KCNK6: variants seen among roughly 807,000 people sequenced by gnomAD.
The protein encoded by KCNK6 is potassium channel subfamily K member 6.
In KCNK6, 20 loss-of-function variants were observed where a neutral mutation model predicts 21.9. That is an observed-to-expected ratio of 0.91 (90% CI 0.64 to 1.32). The LOEUF is 1.32. KCNK6 is among the 40% of genes most tolerant of loss of function. The probability of loss-of-function intolerance (pLI) is 0.00; values close to 1 mark genes in which losing one functional copy is unlikely to be tolerated. For synonymous variants in KCNK6, 210 were observed against 218.0 expected (o/e 0.96, Z 0.32); for missense variants, 415 against 433.1 (o/e 0.96, Z 0.37).
In KCNK6 at chr19:38,329,638, C is replaced by G. The variant is rs1364694819; in HGVS notation, c.*2235C>G. The G allele has an allele frequency of 2.0e-5, 3 of 152,198 alleles. No individual in the cohort carries two copies. Among genetic ancestry groups the G allele is most frequent in the African/African-American group, 7.2e-5 (3 of 41,436 alleles). 9.4% of individuals were successfully genotyped at this position (152,198 alleles called of 1,614,324 possible). A position where few individuals can be genotyped will look rare whatever the true frequency, so the allele number is the denominator to read the frequency against. ...GTCCTTAAATGACCAGCATGGGAAC[C>G]TGGTCTCTTTCCTGAGGGCCCTAGA... is the stretch of plus-strand genomic sequence containing the variant. On this transcript the variant is annotated 3_prime_UTR_variant, in exon 3 of 3. Coordinates refer to ENST00000263372, the MANE Select transcript of KCNK6 (RefSeq NM_004823.3).
At position 38,319,875 on chromosome 19, in the gene KCNK6, C is replaced by G. The variant is rs1035946643; in HGVS notation, c.-76C>G. On this transcript the variant is annotated 5_prime_UTR_variant, in exon 1 of 3. Transcript: ENST00000263372. ...GCCTGTAGCACTCCCGGAACTGGAA[C>G]TAGGTGCCAGACGGTCCGGAGGCGG... 44 of 1,299,482 alleles carry G rather than the reference C, an allele frequency of 3.4e-5. No homozygotes were observed. Among genetic ancestry groups the G allele is most frequent in the African/African-American group, 4.7e-5 (3 of 63,902 alleles). The allele number at this position is 1,299,482 out of a possible 1,614,324, so 80.5% of individuals were successfully genotyped here. A position where few individuals can be genotyped will look rare whatever the true frequency, so the allele number is the denominator to read the frequency against.
At position 38,327,671 on chromosome 19, in the gene KCNK6, C is replaced by G; in HGVS notation, c.*268C>G. 1 of 507,930 alleles carries G rather than the reference C, an allele frequency of 2.0e-6. No individual in the cohort carries two copies. The allele number at this position is 507,930 out of a possible 1,614,324, so 31.5% of individuals were successfully genotyped here. On this transcript the variant is annotated 3_prime_UTR_variant, in exon 3 of 3. Coordinates refer to ENST00000263372, the MANE Select transcript of KCNK6 (RefSeq NM_004823.3). ...CTTTACACTGTGTCTCTCTGGCTCT[C>G]TGGCATTCTCGCTGCCTCTGTCTTT...
In KCNK6 at chr19:38,320,271, G is replaced by T. The variant is rs751631137; in HGVS notation, c.321G>T (p.Val107=). The T allele has an allele frequency of 6.9e-6, 11 of 1,605,376 alleles. No homozygotes were observed. The highest frequency in any genetic ancestry group is 6.8e-6 in the Non-Finnish European group (8 of 1,179,338). Reference sequence around the variant, plus strand: ...TCGCCAGCACGCTGATCACCACCGTGGGTACGTAAGCGCCTCACCGCAAGG... The same window carrying T: ...TCGCCAGCACGCTGATCACCACCGTTGGTACGTAAGCGCCTCACCGCAAGG... ...LFFASTLITT[V]GYGYTTPLTD... The change falls in exon 1 of 3, where the codon GTG becomes GTT. Residue 107 remains valine (V), a splice_region_variant and synonymous_variant. Coordinates refer to ENST00000263372, the MANE Select transcript of KCNK6 (RefSeq NM_004823.3).
chr19:38,322,247 G>A (rs554174755), intron 1 of KCNK6, among the ~76,000 whole-genome samples: 1 of 152,262 alleles, frequency 6.6e-6, no homozygotes, highest in Non-Finnish European at 1.5e-5. Flanking sequence ...TTAGAAGAAG[G>A]GTGCTGTGTG....
intron 1 of KCNK6, among the ~76,000 whole-genome samples, chr19:38,321,013 G>T (rs1485731970): frequency 6.6e-6 from 1 of 151,944 alleles, no homozygotes; most frequent in Non-Finnish European, 1.5e-5. Flanking sequence ...AACCATGCCA[G>T]GACCCCTGAC....
intron 1 of KCNK6, among the ~76,000 whole-genome samples, chr19:38,325,867 TGCAGG>T (rs1171429815): frequency 6.6e-6 from 1 of 152,034 alleles, no homozygotes; most frequent in Non-Finnish European, 1.5e-5. Context: ...AGGGGCTCTG[TGCAGG>T]GAAGGGGCAT....
intron 1 of KCNK6, among the ~76,000 whole-genome samples, chr19:38,324,096 T>C (rs990999790): frequency 2.0e-5 from 3 of 152,142 alleles, no homozygotes; most frequent in Non-Finnish European, 4.4e-5. Context: ...TCTTTTATTA[T>C]TATTATTTTT....
In KCNK6 at chr19:38,327,975, T is replaced by C. The variant is rs1004046105; in HGVS notation, c.*572T>C. On this transcript the variant is annotated 3_prime_UTR_variant, in exon 3 of 3. Transcript: ENST00000263372. Reference sequence around the variant, plus strand: ...CATAGTTGGGGGTGGAGAACTGCCCTTATGGAGCTTGCAGTCCAGTGAGGT... The same window carrying C: ...CATAGTTGGGGGTGGAGAACTGCCCCTATGGAGCTTGCAGTCCAGTGAGGT... 6.4e-6 allele frequency: 1 copy of C among 157,218 alleles called. No homozygotes were observed. The highest frequency in any genetic ancestry group is 1.4e-5 in the Non-Finnish European group (1 of 71,312). The allele number at this position is 157,218 out of a possible 1,614,324, so 9.7% of individuals were successfully genotyped here. A position where few individuals can be genotyped will look rare whatever the true frequency, so the allele number is the denominator to read the frequency against.
intron 1 of KCNK6, among the ~76,000 whole-genome samples, chr19:38,322,907 G>C (rs574243505): frequency 1.1e-4 from 17 of 152,160 alleles, no homozygotes; most frequent in Non-Finnish European, 2.5e-4. Flanking sequence ...GAGGTTAGGA[G>C]TTCGAGACCA....
chr19:38,329,026 A>AAAGT lies in KCNK6; in HGVS notation c.*1628_*1631dup, dbSNP rs138693052. 0.16 allele frequency: 24,597 copies of AAAGT among 150,068 alleles called. 2,323 individuals carry two copies. The highest frequency in any genetic ancestry group is 0.25 in the South Asian group (1,206 of 4,796). 9.3% of individuals were successfully genotyped at this position (150,068 alleles called of 1,614,324 possible). ...AAGAAAGAAAAAAAGAAAAAGAAAG[A>AAAGT]AAGTAAGTCCTGGCTAACACGGTGA... is the stretch of plus-strand genomic sequence containing the variant. On this transcript the variant is annotated 3_prime_UTR_variant, in exon 3 of 3. Transcript: ENST00000263372.
At position 38,326,915 on chromosome 19, in the gene KCNK6, C is replaced by T. The variant is rs772880129; in HGVS notation, c.645C>T (p.Ile215=). Residue 215 remains isoleucine, a synonymous_variant, in exon 2 of 3, where the codon ATC becomes ATT. Transcript: ENST00000263372. The part of the protein sequence containing the change: ...FYFCFISLST[I]GLGDYVPGEA... ...TCTGCTTTATCTCTCTGTCCACCAT[C>T]GGCCTGGGCGACTACGTGCCCGGGG... 27 of 1,610,986 alleles carry T rather than the reference C, an allele frequency of 1.7e-5. No homozygotes were observed. Among genetic ancestry groups the T allele is most frequent in the East Asian group, 2.2e-5 (1 of 44,892 alleles).
At chr19:38,323,205 T>C (rs1455129669) in intron 1 of KCNK6, among the ~76,000 whole-genome samples, 2 of 152,208 alleles carry the variant, frequency 1.3e-5, no homozygotes, top group Non-Finnish European at 2.9e-5. Flanking sequence ...CTGGGCCTAC[T>C]TAAGGACTCA....
rs2145047094 is a variant in KCNK6, at chr19:38,330,689, A to G, written c.*3286A>G. The G allele has an allele frequency of 6.6e-6, 1 of 152,368 alleles. No individual in the cohort carries two copies. Among genetic ancestry groups the G allele is most frequent in the African/African-American group, 2.4e-5 (1 of 41,580 alleles). 9.4% of individuals were successfully genotyped at this position (152,368 alleles called of 1,614,324 possible). On this transcript the variant is annotated 3_prime_UTR_variant, in exon 3 of 3. Coordinates refer to ENST00000263372, the MANE Select transcript of KCNK6 (RefSeq NM_004823.3). ...AGAAAATATGTATATTGGATATACTATGTGCCAGGCACGATTCCAAGCCCC... is the reference window on the plus strand; with the variant it reads ...AGAAAATATGTATATTGGATATACTGTGTGCCAGGCACGATTCCAAGCCCC...
intron 1 of KCNK6, among the ~76,000 whole-genome samples, chr19:38,321,093 C>T (rs908481297): frequency 1.3e-5 from 2 of 152,160 alleles, no homozygotes; most frequent in Admixed American, 1.3e-4. Flanking sequence ...TTCTGGGAAA[C>T]CCCCCTGGAG....
In KCNK6 at chr19:38,327,310, G is replaced by A; in HGVS notation, c.849G>A (p.Glu283=). 1 of 1,613,554 alleles carries A rather than the reference G, an allele frequency of 6.2e-7. No individual in the cohort carries two copies. Among genetic ancestry groups the A allele is most frequent in the Non-Finnish European group, 8.5e-7 (1 of 1,180,032 alleles). ...PPCPASFNAD[E]DDRVDILGPQ... ...GCCCTGCCAGTTTCAATGCGGATGA[G>A]GACGATCGGGTGGACATCCTGGGCC... Residue 283 remains glutamate, a synonymous_variant, in exon 3 of 3, where the codon GAG becomes GAA. Transcript: ENST00000263372.
rs1263815416 is a variant in KCNK6, at chr19:38,326,732, G to C, written c.462G>C (p.Leu154=). The C allele has an allele frequency of 2.5e-6, 4 of 1,604,638 alleles. No individual in the cohort carries two copies. The highest frequency in any genetic ancestry group is 3.4e-6 in the Non-Finnish European group (4 of 1,179,968). The part of the protein sequence containing the change: ...RLSLLLTHVP[L]SWLSMRWGWD... ...CACTGCTGCTGACTCACGTGCCCCT[G>C]TCTTGGCTGAGCATGCGTTGGGGCT... The change falls in exon 2 of 3, where the codon CTG becomes CTC. Residue 154 remains leucine (L), a synonymous_variant. Transcript: ENST00000263372.
In KCNK6 at chr19:38,332,041, G is replaced by A. The variant is rs1434301316; in HGVS notation, c.*4638G>A. 1 of 152,028 alleles carries A rather than the reference G, an allele frequency of 6.6e-6. No individual in the cohort carries two copies. The highest frequency in any genetic ancestry group is 1.9e-4 in the East Asian group (1 of 5,184). The allele number at this position is 152,028 out of a possible 1,614,324, so 9.4% of individuals were successfully genotyped here. On this transcript the variant is annotated 3_prime_UTR_variant, in exon 3 of 3. Coordinates refer to ENST00000263372, the MANE Select transcript of KCNK6 (RefSeq NM_004823.3). The stretch of plus-strand genomic sequence containing the variant: ...AAAGCCCTTAGAGCTAGCAGTGTGT[G>A]GCACTCAATAAAATGTTGACTAATG...
chr19:38,324,878 C>T (rs1301085221), intron 1 of KCNK6, among the ~76,000 whole-genome samples: 2 of 152,156 alleles, frequency 1.3e-5, no homozygotes, highest in African/African-American at 4.8e-5. Flanking sequence ...AGGTGTGAAC[C>T]ACCATGCCTG....
rs1280990654 is a variant in KCNK6 at position 38,320,337 on chromosome 19, G to A, written c.322+65G>A. 55 of 1,549,118 alleles carry A rather than the reference G, an allele frequency of 3.6e-5. No homozygotes were observed. In the Admixed American group the frequency reaches 9.5e-4, roughly 27 times the overall value. On this transcript the variant is annotated intron_variant, in intron 1 of 2. Transcript: ENST00000263372. The stretch of plus-strand genomic sequence containing the variant: ...ATCCCCACTTCATCCTTAACCCCTG[G>A]GGACCCCGGGGCCCTCACGAATACC...
Sources: allele counts gnomAD v4.1 joint callset (sites outside exome capture counted in the v4.1 genomes callset), GRCh38; gene constraint gnomAD v4.1.1; transcripts MANE v1.5; gene names NCBI Gene and HGNC (gene_info 2026-07-23, HGNC 2026-07-21).